ADAM22: variants seen among roughly 807,000 people sequenced by gnomAD.
ADAM22 encodes disintegrin and metalloproteinase domain-containing protein 22.
ADAM22 carries 65 observed loss-of-function variants against 144.6 expected under a neutral mutation model. The observed-to-expected ratio is 0.45, with a 90% CI of 0.37 to 0.55. The LOEUF is 0.55. Among genes scored for constraint, ADAM22 ranks in the 20% least tolerant of loss-of-function variants. The pLI is 0.00. For missense variants in ADAM22, 974 were observed against 1,184.9 expected (o/e 0.82, Z 2.61); for synonymous variants, 391 against 412.6 (o/e 0.95, Z 0.63).
chr7:87,970,735 T>C (rs764838024), intron 2 of ADAM22, among the ~76,000 whole-genome samples: 14 of 152,212 alleles, frequency 9.2e-5, no homozygotes, highest in Non-Finnish European at 1.5e-4. Flanking sequence ...ACGAGTGTTA[T>C]ATTAATTCCG....
intron 6 of ADAM22, among the ~76,000 whole-genome samples, chr7:88,114,991 G>T (rs571711104): frequency 1.4e-4 from 22 of 152,026 alleles, no homozygotes; most frequent in African/African-American, 5.3e-4. Flanking sequence ...GGTGGCTCAT[G>T]CCTGTAATCC....
At chr7:87,946,396 A>G (rs1843684608) in intron 2 of ADAM22, among the ~76,000 whole-genome samples, 1 of 152,046 alleles carries the variant, frequency 6.6e-6, no homozygotes, top group South Asian at 2.1e-4. Flanking sequence ...CTACTTGACA[A>G]TTTTGTTTTT....
chr7:88,176,507 A>G (rs903304730), intron 26 of ADAM22, among the ~76,000 whole-genome samples: 3 of 152,194 alleles, frequency 2.0e-5, no homozygotes, highest in African/African-American at 7.2e-5. Context: ...CTGTGTAAAA[A>G]ATGACCATGG....
At chr7:88,176,858 A>G (rs1845798505) in intron 26 of ADAM22, among the ~76,000 whole-genome samples, 1 of 152,010 alleles carries the variant, frequency 6.6e-6, no homozygotes, top group South Asian at 2.1e-4. Context: ...TCTGCCTCCC[A>G]AGTTCAAGCA....
At position 88,201,686 on chromosome 7, in the gene ADAM22, A is replaced by G. The variant is rs1036827773; in HGVS notation, c.*5195A>G. On this transcript the variant is annotated 3_prime_UTR_variant, in exon 32 of 32. Transcript: ENST00000413139. The stretch of plus-strand genomic sequence containing the variant: ...TTCAAGGCTGGCAGGCTTTTCATCA[A>G]GTAATCATCATTCCATGTTCCTACG... 2.0e-5 allele frequency: 3 copies of G among 152,200 alleles called. No individual in the cohort carries two copies. The highest frequency in any genetic ancestry group is 2.9e-5 in the Non-Finnish European group (2 of 68,050). The allele number at this position is 152,200 out of a possible 1,614,324, so 9.4% of individuals were successfully genotyped here.
At chr7:87,988,331 A>G (rs746293276) in intron 3 of ADAM22, among the ~76,000 whole-genome samples, 2 of 152,192 alleles carry the variant, frequency 1.3e-5, no homozygotes, top group Non-Finnish European at 2.9e-5. Flanking sequence ...GAGGAACTAT[A>G]GCTAGGTACT....
chr7:88,070,385 G>T (rs980561897), intron 3 of ADAM22, among the ~76,000 whole-genome samples: 1 of 152,120 alleles, frequency 6.6e-6, no homozygotes, highest in Non-Finnish European at 1.5e-5. Flanking sequence ...TGGTAAAGGC[G>T]AAACAGCCTT....
Position 88,148,038 on chromosome 7 carries a change from TA to T in ADAM22, c.1486-930del, listed in dbSNP as rs561545972. 3.1e-3 allele frequency among the ~76,000 whole-genome samples: 468 copies of T among 151,280 alleles called. 3 individuals carry two copies. Among genetic ancestry groups the T allele is most frequent in the African/African-American group, 0.011 (445 of 41,292 alleles). On this transcript the variant is annotated intron_variant, in intron 17 of 31. Transcript: ENST00000413139. The stretch of plus-strand genomic sequence containing the variant: ...GAATACATATTTTGTTTGGGTCTTC[TA>T]AAAAAAAATACTTGTTGAAATCCAG...
At chr7:88,191,348 G>A (rs573273825) in intron 30 of ADAM22, among the ~76,000 whole-genome samples, 2 of 152,318 alleles carry the variant, frequency 1.3e-5, no homozygotes, top group Admixed American at 6.5e-5. Context: ...TAATGGTGTG[G>A]ACACACATGC....
intron 2 of ADAM22, among the ~76,000 whole-genome samples, chr7:87,970,679 T>TA (rs1850219929): frequency 6.6e-6 from 1 of 152,098 alleles, no homozygotes; most frequent in African/African-American, 2.4e-5. Context: ...CTCTAGAAGA[T>TA]ATGAGGAGAA....
At chr7:88,185,797 A>G (rs1386283387) in intron 29 of ADAM22, 1 of 152,194 alleles carries the variant, frequency 6.6e-6, no homozygotes, top group African/African-American at 2.4e-5. Flanking sequence ...CATCAGGGAA[A>G]TGCTAACTAA....
intron 3 of ADAM22, among the ~76,000 whole-genome samples, chr7:88,061,696 A>T (rs1809905697): frequency 6.6e-6 from 1 of 152,154 alleles, no homozygotes; most frequent in East Asian, 1.9e-4. Context: ...TGTTGCATTT[A>T]TGGAGCACAG....
intron 3 of ADAM22, among the ~76,000 whole-genome samples, chr7:88,043,027 A>G (rs1803544063): frequency 6.6e-6 from 1 of 151,844 alleles, no homozygotes; most frequent in Non-Finnish European, 1.5e-5. Context: ...TGACCTTTCA[A>G]TTAGCTTACC....
At chr7:87,938,527 A>T (rs967277342) in intron 2 of ADAM22, among the ~76,000 whole-genome samples, 3 of 151,914 alleles carry the variant, frequency 2.0e-5, no homozygotes, top group Admixed American at 1.3e-4. Flanking sequence ...CCACCCATAG[A>T]TATGTTTATC....
At chr7:88,018,603 T>C (rs1797063815) in intron 3 of ADAM22, among the ~76,000 whole-genome samples, 1 of 152,182 alleles carries the variant, frequency 6.6e-6, no homozygotes, top group South Asian at 2.1e-4. Flanking sequence ...ATTTGCAACA[T>C]TTGTTGACAA....
intron 15 of ADAM22, 43 bp downstream of exon 15, chr7:88,143,168 C>T (rs1439138888): frequency 7.6e-7 from 1 of 1,323,338 alleles, no homozygotes; most frequent in Non-Finnish European, 1.1e-6. Flanking sequence ...TAATTATCAA[C>T]CTTTCTAAAA....
At chr7:87,963,478 G>A (rs1016742550) in intron 2 of ADAM22, among the ~76,000 whole-genome samples, 1 of 152,162 alleles carries the variant, frequency 6.6e-6, no homozygotes, top group Admixed American at 6.5e-5. Context: ...AAGAATGACT[G>A]TGCCTGGCCT....
chr7:88,081,477 G>T (rs1816614659), intron 4 of ADAM22, among the ~76,000 whole-genome samples: 1 of 152,172 alleles, frequency 6.6e-6, no homozygotes, highest in South Asian at 2.1e-4. Context: ...CATAGTGTTG[G>T]AAGTTCTGGC....
chr7:88,009,120 T>C lies in ADAM22; in HGVS notation c.323+30708T>C, dbSNP rs1029133826. 2.4e-4 allele frequency among the ~76,000 whole-genome samples: 37 copies of C among 152,270 alleles called. 1 individual carries two copies. Among genetic ancestry groups the C allele is most frequent in the Admixed American group, 1.9e-3 (29 of 15,294 alleles). On this transcript the variant is annotated intron_variant, in intron 3 of 31. Coordinates refer to ENST00000413139, the MANE Select transcript of ADAM22 (RefSeq NM_001324418.2). ...GGAAAACCTCTGTCATAGTGCAGTC[T>C]AAGATTTTATGGCATTTCAAGTTTT... is the stretch of plus-strand genomic sequence containing the variant.
Sources: gnomAD v4.1 joint callset for allele counts (sites outside exome capture counted in the v4.1 genomes callset) on GRCh38, gnomAD v4.1.1 for gene constraint, MANE v1.5 for transcripts, NCBI Gene and HGNC (gene_info 2026-07-23, HGNC 2026-07-21) for gene names.